The following ADIPOR2 variants were observed in gnomAD, a reference collection of about 807,000 sequenced individuals.
ADIPOR2 encodes adiponectin receptor protein 2.
A neutral mutation model predicts 40.9 loss-of-function variants in ADIPOR2; 18 were observed. The ratio of observed to expected loss-of-function variants is 0.44; its 90% confidence interval spans 0.30 to 0.65. The LOEUF (loss-of-function observed/expected upper bound fraction) is 0.65, where lower values mean the gene tolerates loss of function less well. ADIPOR2 is among the 30% of genes least tolerant of loss of function. The pLI, the probability that ADIPOR2 is intolerant of heterozygous loss-of-function variation, is 0.09. For missense variants in ADIPOR2, 283 were observed against 479.2 expected, an observed-to-expected ratio of 0.59 and a Z score of 3.82; for synonymous variants, 165 against 166.4, an observed-to-expected ratio of 0.99 and a Z score of 0.06.
At chr12:1,728,726 A>G (rs2094713210) in intron 1 of ADIPOR2, among the ~76,000 whole-genome samples, 1 of 152,102 alleles carries the variant, frequency 6.6e-6, no homozygotes, top group South Asian at 2.1e-4. Context: ...TCCGTCTTAA[A>G]AAAAACAAAA....
intron 4 of ADIPOR2, 148 bp from the exon 5 acceptor site, chr12:1,780,303 A>G (rs755757578): frequency 1.4e-5 from 11 of 790,266 alleles, no homozygotes; most frequent in Non-Finnish European, 2.0e-5. Context: ...ACAATTTTGG[A>G]TAGGCTTCAG....
intron 1 of ADIPOR2, among the ~76,000 whole-genome samples, chr12:1,748,459 A>G (rs557545792): frequency 4.6e-5 from 7 of 152,206 alleles, no homozygotes; most frequent in East Asian, 3.9e-4. Flanking sequence ...CGTGTTAGCC[A>G]GGATGGTCTC....
Position 1,698,206 on chromosome 12 carries a change from T to TTGTGTG in ADIPOR2, c.-87+7043_-87+7048dup, listed in dbSNP as rs35927419. Among the ~76,000 whole-genome samples the TTGTGTG allele has an allele frequency of 9.9e-4, 147 of 148,212 alleles. 1 individual carries two copies. Among genetic ancestry groups the TTGTGTG allele is most frequent in the African/African-American group, 3.3e-3 (133 of 40,228 alleles). On this transcript the variant is annotated intron_variant, in intron 1 of 7. Transcript: ENST00000357103. ...CAGCAGGTGGTGCTGTCTTGGCTGA[T>TTGTGTG]TGTGTGTGTGTGTGTGTGTGTGTGT...
intron 1 of ADIPOR2, among the ~76,000 whole-genome samples, chr12:1,749,151 T>C (rs1200479120): frequency 1.3e-5 from 2 of 152,198 alleles, no homozygotes; most frequent in African/African-American, 4.8e-5. Context: ...CGTGCAGGGC[T>C]ACGTATGGGG....
rs1461666707 is a variant in ADIPOR2 at position 1,786,218 on chromosome 12, G to T, written c.*146G>T. On this transcript the variant is annotated 3_prime_UTR_variant, in exon 8 of 8. Coordinates refer to ENST00000357103, the MANE Select transcript of ADIPOR2 (RefSeq NM_024551.3). ...TTGTGACGGCCCAGTGGCTCTGCGT[G>T]GTACATGACTGAGAAGAGAAAAACA... 5 of 1,005,266 alleles carry T rather than the reference G, an allele frequency of 5.0e-6. No homozygotes were observed. The African/African-American group carries it at 8.2e-5, about 16-fold the overall frequency. 62.3% of individuals were successfully genotyped at this position (1,005,266 alleles called of 1,614,324 possible). A position where few individuals can be genotyped will look rare whatever the true frequency, so the allele number is the denominator to read the frequency against.
In ADIPOR2 at chr12:1,734,217, A is replaced by G. The variant is rs2094725981; in HGVS notation, c.-86-20041A>G. Among the ~76,000 whole-genome samples, 6 of 152,362 alleles carry G rather than the reference A, an allele frequency of 3.9e-5. No homozygotes were observed. In the South Asian group the frequency reaches 1.2e-3, roughly 32 times the overall value. ...TTCCACAATGGTTGAACTAGTTTAC[A>G]GTCCCCCCAACAGTGTAAAAGTGTT... On this transcript the variant is annotated intron_variant, in intron 1 of 7. Transcript: ENST00000357103.
intron 1 of ADIPOR2, among the ~76,000 whole-genome samples, chr12:1,749,571 A>C (rs1021980535): frequency 1.3e-5 from 2 of 152,158 alleles, no homozygotes; most frequent in Non-Finnish European, 2.9e-5. Flanking sequence ...CTGTTACTCT[A>C]TGTGTGTATT....
chr12:1,725,125 CTT>C (rs33993408), intron 1 of ADIPOR2, among the ~76,000 whole-genome samples: 76,711 of 143,840 alleles, frequency 0.53, 20,076 homozygotes, highest in East Asian at 0.57. Context: ...CGCAAACTTT[CTT>C]TTTTTTTTTT....
chr12:1,724,247 C>G (rs1159905445), intron 1 of ADIPOR2, among the ~76,000 whole-genome samples: 1 of 152,144 alleles, frequency 6.6e-6, no homozygotes, highest in African/African-American at 2.4e-5. Flanking sequence ...TCCCAAAGTG[C>G]TGGGATTACA....
At chr12:1,734,779 A>G (rs2094727054) in intron 1 of ADIPOR2, among the ~76,000 whole-genome samples, 2 of 152,274 alleles carry the variant, frequency 1.3e-5, no homozygotes, top group South Asian at 2.1e-4. Context: ...TAATTTTTGT[A>G]TAAGGTGTAA....
At chr12:1,697,228 A>G (rs2094641056) in intron 1 of ADIPOR2, 1 of 152,252 alleles carries the variant, frequency 6.6e-6, no homozygotes, top group Non-Finnish European at 1.5e-5. Flanking sequence ...TAATAGCTTA[A>G]AAGTTAAACA....
intron 1 of ADIPOR2, among the ~76,000 whole-genome samples, chr12:1,717,216 T>G (rs2094689242): frequency 6.6e-6 from 1 of 152,236 alleles, no homozygotes; most frequent in African/African-American, 2.4e-5. Context: ...CACTTTTCTC[T>G]TGATGTTTTT....
At chr12:1,731,608 T>A (rs1412802563) in intron 1 of ADIPOR2, among the ~76,000 whole-genome samples, 1 of 152,226 alleles carries the variant, frequency 6.6e-6, no homozygotes, top group African/African-American at 2.4e-5. Context: ...ATATAGCATT[T>A]GTCTTTTTGT....
Position 1,754,503 on chromosome 12 carries a change from C to T in ADIPOR2, c.160C>T (p.His54Tyr). Reference sequence around the variant, plus strand: ...TTTAGAGGCATCTGTTCTATCTTCCCATCATAAAAAAGTAAGTCAAATTGG... The same window carrying T: ...TTTAGAGGCATCTGTTCTATCTTCCTATCATAAAAAAGTAAGTCAAATTGG... ...PILEASVLSS[H>Y]HKKSSEEHEY... Residue 54 changes from histidine (H) to tyrosine (Y), a missense_variant, in exon 2 of 8, where the codon CAT (histidine) becomes TAT (tyrosine). Coordinates refer to ENST00000357103, the MANE Select transcript of ADIPOR2 (RefSeq NM_024551.3). The T allele has an allele frequency of 6.3e-7, 1 of 1,598,584 alleles. No individual in the cohort carries two copies. The highest frequency in any genetic ancestry group is 8.5e-7 in the Non-Finnish European group (1 of 1,174,112).
chr12:1,714,518 G>T (rs558309943), intron 1 of ADIPOR2, among the ~76,000 whole-genome samples: 1 of 152,154 alleles, frequency 6.6e-6, no homozygotes, highest in East Asian at 1.9e-4. Context: ...CGAGGAAGGC[G>T]GTAGGATTTT....
rs184919919 is a variant in ADIPOR2, at chr12:1,720,116, C to G, written c.-87+28925C>G. ...TAAATGCAATAAGTTGTGACATATGCTATATCAGAAACAAATGAAAAGAAT... is the reference window on the plus strand; with the variant it reads ...TAAATGCAATAAGTTGTGACATATGGTATATCAGAAACAAATGAAAAGAAT... On this transcript the variant is annotated intron_variant, in intron 1 of 7. Transcript: ENST00000357103. Among the ~76,000 whole-genome samples the G allele has an allele frequency of 3.9e-5, 6 of 152,252 alleles. No individual in the cohort carries two copies. The East Asian group carries it at 1.2e-3, about 29-fold the overall frequency.
chr12:1,703,105 G>A (rs191179699), intron 1 of ADIPOR2: 3 of 152,298 alleles, frequency 2.0e-5, no homozygotes, highest in African/African-American at 7.2e-5. Context: ...AGTGAAGAAA[G>A]TTAAAACAAT....
chr12:1,730,549 G>A (rs1255363654), intron 1 of ADIPOR2, among the ~76,000 whole-genome samples: 4 of 151,140 alleles, frequency 2.6e-5, no homozygotes, highest in East Asian at 3.9e-4. Flanking sequence ...CCCAGGAGGC[G>A]GAGCTTGCAG....
At chr12:1,711,114 G>T (rs2094675908) in intron 1 of ADIPOR2, among the ~76,000 whole-genome samples, 1 of 152,132 alleles carries the variant, frequency 6.6e-6, no homozygotes. Flanking sequence ...CCCTAAGAAG[G>T]TGCATAGTCC....
Sources: allele counts gnomAD v4.1 joint callset (sites outside exome capture counted in the v4.1 genomes callset), GRCh38; gene constraint gnomAD v4.1.1; transcripts MANE v1.5; gene names NCBI Gene and HGNC (gene_info 2026-07-23, HGNC 2026-07-21).